PCCA: variants seen among roughly 807,000 people sequenced by gnomAD.
The protein encoded by PCCA is propionyl-CoA carboxylase alpha chain, mitochondrial.
PCCA carries 74 observed loss-of-function variants against 101.3 expected under a neutral mutation model. The observed-to-expected ratio is 0.73, with a 90% CI of 0.61 to 0.89. The LOEUF (loss-of-function observed/expected upper bound fraction) is 0.89, where lower values mean the gene tolerates loss of function less well. PCCA is among the 40% of genes least tolerant of loss of function. The pLI is 0.00. For synonymous variants in PCCA, 294 were observed against 313.6 expected (o/e 0.94, Z 0.66); for missense variants, 891 against 907.0 (o/e 0.98, Z 0.23).
At chr13:100,233,221 C>G (rs2060596838) in intron 7 of PCCA, among the ~76,000 whole-genome samples, 1 of 152,020 alleles carries the variant, frequency 6.6e-6, no homozygotes. Flanking sequence ...AAAGATTATC[C>G]CATTTTCTAT....
At chr13:100,230,754 G>A (rs1298926236) in intron 7 of PCCA, among the ~76,000 whole-genome samples, 2 of 152,142 alleles carry the variant, frequency 1.3e-5, no homozygotes, top group Non-Finnish European at 2.9e-5. Flanking sequence ...TGTGCCAGGC[G>A]TGTGCTCGGG....
At chr13:100,430,297 C>T (rs1229857971) in intron 20 of PCCA, among the ~76,000 whole-genome samples, 1 of 152,104 alleles carries the variant, frequency 6.6e-6, no homozygotes, top group African/African-American at 2.4e-5. Flanking sequence ...AAAACCAAAA[C>T]ATTATCAGTG....
At chr13:100,193,984 C>T (rs943477965) in intron 6 of PCCA, among the ~76,000 whole-genome samples, 3 of 151,702 alleles carry the variant, frequency 2.0e-5, no homozygotes, top group South Asian at 2.1e-4. Flanking sequence ...GGCAGGAAAA[C>T]GGCACAAACC....
At chr13:100,278,519 G>A (rs964398244) in intron 12 of PCCA, among the ~76,000 whole-genome samples, 1 of 146,974 alleles carries the variant, frequency 6.8e-6, no homozygotes, top group Non-Finnish European at 1.5e-5. Flanking sequence ...GTCTCACTCT[G>A]TCACCAGGCT....
chr13:100,186,706 A>C (rs2057296368), intron 6 of PCCA, among the ~76,000 whole-genome samples: 3 of 144,132 alleles, frequency 2.1e-5, no homozygotes, highest in African/African-American at 2.6e-5. Flanking sequence ...GCATCACTGC[A>C]CTCCAGCCTG....
chr13:100,528,910 C>T (rs569268307), intron 23 of PCCA, among the ~76,000 whole-genome samples: 4 of 152,308 alleles, frequency 2.6e-5, no homozygotes, highest in African/African-American at 9.6e-5. Flanking sequence ...GGACCGAGAA[C>T]GTGTGTCCGC....
At chr13:100,370,968 C>T (rs1035089145) in intron 19 of PCCA, among the ~76,000 whole-genome samples, 1 of 151,862 alleles carries the variant, frequency 6.6e-6, no homozygotes, top group Admixed American at 6.6e-5. Context: ...CTTTAGGTGC[C>T]CTACATTTCC....
intron 20 of PCCA, among the ~76,000 whole-genome samples, chr13:100,426,489 C>G (rs2079155727): frequency 6.6e-6 from 1 of 152,120 alleles, no homozygotes; most frequent in Non-Finnish European, 1.5e-5. Flanking sequence ...ACACAGGAAA[C>G]TGGTTTTAAA....
chr13:100,355,265 T>C (rs2073854914), intron 18 of PCCA, among the ~76,000 whole-genome samples: 1 of 152,092 alleles, frequency 6.6e-6, no homozygotes, highest in Non-Finnish European at 1.5e-5. Flanking sequence ...CTTTTCATTA[T>C]GAAAAACACT....
chr13:100,460,217 C>T (rs2082078811), intron 21 of PCCA, among the ~76,000 whole-genome samples: 2 of 152,156 alleles, frequency 1.3e-5, no homozygotes, highest in Admixed American at 1.3e-4. Flanking sequence ...ACAAAGAAAT[C>T]GAAGAGAGCT....
intron 21 of PCCA, among the ~76,000 whole-genome samples, chr13:100,501,487 GA>G (rs922847790): frequency 2.6e-5 from 4 of 152,192 alleles, no homozygotes; most frequent in African/African-American, 9.7e-5. Flanking sequence ...AATTCCCTGG[GA>G]AAGGCCATTC....
chr13:100,426,413 C>A (rs2079151360), intron 20 of PCCA, among the ~76,000 whole-genome samples: 1 of 151,754 alleles, frequency 6.6e-6, no homozygotes, highest in African/African-American at 2.4e-5. Flanking sequence ...AAAAATCTAG[C>A]CCCACCCATA....
chr13:100,393,610 G>A (rs560854245), intron 19 of PCCA, among the ~76,000 whole-genome samples: 27 of 151,824 alleles, frequency 1.8e-4, no homozygotes, highest in African/African-American at 5.3e-4. Flanking sequence ...GAAGAGATGC[G>A]GTTTCACCAT....
At chr13:100,123,961 G>A (rs918392458) in intron 4 of PCCA, among the ~76,000 whole-genome samples, 2 of 152,114 alleles carry the variant, frequency 1.3e-5, no homozygotes, top group African/African-American at 4.8e-5. Flanking sequence ...TGGCTTTAGT[G>A]ACTAGGAGTT....
At chr13:100,132,319 G>GTGAGTCATTACCCCTCAGACTCCCTTT in intron 4 of PCCA, among the ~76,000 whole-genome samples, 1 of 152,136 alleles carries the variant, frequency 6.6e-6, no homozygotes, top group Non-Finnish European at 1.5e-5. Flanking sequence ...AGACTCCCTT[G>GTGAGTCATTACCCCTCAGACTCCCTTT]TGTATCCCAT....
chr13:100,117,207 T>C (rs1422253388), intron 4 of PCCA, among the ~76,000 whole-genome samples: 1 of 152,204 alleles, frequency 6.6e-6, no homozygotes, highest in African/African-American at 2.4e-5. Flanking sequence ...AATACTGATG[T>C]TGAGTACTTT....
chr13:100,089,434 G>A (rs954767357), intron 1 of PCCA, among the ~76,000 whole-genome samples: 4 of 152,244 alleles, frequency 2.6e-5, no homozygotes, highest in African/African-American at 7.2e-5. Context: ...GTTCCTCGCG[G>A]GGATCCTGCG....
chr13:100,521,506 C>T (rs2087291484), intron 22 of PCCA, among the ~76,000 whole-genome samples: 1 of 152,190 alleles, frequency 6.6e-6, no homozygotes, highest in Non-Finnish European at 1.5e-5. Flanking sequence ...TGCAGTCTCC[C>T]GTGGCCTCCT....
intron 12 of PCCA, among the ~76,000 whole-genome samples, chr13:100,277,090 C>T (rs547354084): frequency 5.3e-5 from 8 of 152,112 alleles, no homozygotes; most frequent in Non-Finnish European, 1.2e-4. Context: ...GCAATCTAAG[C>T]TCAAAGTGTA....
Sources: allele counts gnomAD v4.1 joint callset (sites outside exome capture counted in the v4.1 genomes callset), GRCh38; gene constraint gnomAD v4.1.1; transcripts MANE v1.5; gene names NCBI Gene and HGNC (gene_info 2026-07-23, HGNC 2026-07-21).